The following PDLIM2 variants were observed in gnomAD, a reference collection of about 807,000 sequenced individuals.
The protein encoded by PDLIM2 is PDZ and LIM domain 2.
PDLIM2 carries 51 observed loss-of-function variants against 54.1 expected under a neutral mutation model. The ratio of observed to expected loss-of-function variants is 0.94; its 90% CI spans 0.75 to 1.19. The LOEUF (loss-of-function observed/expected upper bound fraction) is 1.19. PDLIM2 is among the 50% of genes most tolerant of loss of function. The probability of loss-of-function intolerance (pLI) is 0.00; values close to 1 mark genes in which losing one functional copy is unlikely to be tolerated. For synonymous variants in PDLIM2, 398 were observed against 385.6 expected, an observed-to-expected ratio of 1.03 and a Z score of -0.38; for missense variants, 912 against 874.0, an observed-to-expected ratio of 1.04 and a Z score of -0.55.
chr8:22,579,546 G>C, intron 1 of PDLIM2: 2 of 1,447,260 alleles, frequency 1.4e-6, no homozygotes, highest in South Asian at 2.7e-5. Context: ...ATCTCGGGGC[G>C]GCCGCGAGCC....
intron 1 of PDLIM2, chr8:22,579,543 G>A: frequency 6.9e-7 from 1 of 1,452,430 alleles, no homozygotes. Context: ...GGAATCTCGG[G>A]GCGGCCGCGA....
intron 6 of PDLIM2, chr8:22,587,673 G>T (rs1240699364): frequency 6.6e-6 from 1 of 152,248 alleles, no homozygotes; most frequent in Admixed American, 6.5e-5. Context: ...ACCCCTAACC[G>T]CCTGGGAGGA....
intron 6 of PDLIM2, chr8:22,589,033 G>A (rs959517524): frequency 5.3e-5 from 30 of 567,110 alleles, no homozygotes; most frequent in African/African-American, 4.1e-4. Context: ...CCCGGTCCCC[G>A]GCAGAACCCG....
At chr8:22,585,445 C>G in intron 6 of PDLIM2, 46 bp downstream of exon 5, 1 of 1,545,464 alleles carries the variant, frequency 6.5e-7, no homozygotes, top group Non-Finnish European at 8.8e-7. Context: ...AGAAGCACCT[C>G]CCGTTCCTGT....
chr8:22,589,636 T>C (rs1800480522), exon 8 of PDLIM2: 1 of 1,595,946 alleles, frequency 6.3e-7, no homozygotes, highest in African/African-American at 1.3e-5. Flanking sequence ...GGACGAGGAC[T>C]CGGAAGTCTT....
In PDLIM2 at chr8:22,584,908, C is replaced by A; in HGVS notation, c.1065+18C>A. 6.2e-7 allele frequency: 1 copy of A among 1,614,112 alleles called. No homozygotes were observed. The highest frequency in any genetic ancestry group is 1.1e-5 in the South Asian group (1 of 91,092). On this transcript the variant is annotated intron_variant, in intron 4 of 9. Transcript: ENST00000308354. ...GCTTCCAGGTAAGCTGGTGCCCTCC[C>A]CTGACAGCCTCAGCACCCTGATCAC...
intron 7 of PDLIM2, 76 bp from the exon 7 acceptor site, chr8:22,589,520 T>C: frequency 7.1e-7 from 1 of 1,403,686 alleles, no homozygotes; most frequent in Non-Finnish European, 9.8e-7. Flanking sequence ...CCCACGCTCT[T>C]CTCCTGCCCC....
At chr8:22,580,988 C>A in intron 2 of PDLIM2, 1 of 659,984 alleles carries the variant, frequency 1.5e-6, no homozygotes, top group South Asian at 1.5e-5. Context: ...ATTACTAGAA[C>A]AAGAGCCCCG....
At chr8:22,583,357 G>A (rs765441849) in intron 3 of PDLIM2, among the ~76,000 whole-genome samples, 27 of 152,268 alleles carry the variant, frequency 1.8e-4, no homozygotes, top group Non-Finnish European at 3.4e-4. Flanking sequence ...GCCTCCAGTG[G>A]GCAGGGTGCA....
At chr8:22,594,936 C>A (rs907553533), downstream of PDLIM2, 1 of 319,870 alleles carries the variant, frequency 3.1e-6, no homozygotes, top group Non-Finnish European at 5.8e-6. Context: ...GAAAAAAACA[C>A]AAAAACAAAT....
chr8:22,584,461 A>C (rs565238138), intron 3 of PDLIM2, among the ~76,000 whole-genome samples: 1 of 151,922 alleles, frequency 6.6e-6, no homozygotes, highest in East Asian at 1.9e-4. Flanking sequence ...GGCATGCACC[A>C]CCATGTGCAG....
exon 9 of PDLIM2, chr8:22,591,639 C>G (rs1406454271): frequency 6.2e-7 from 1 of 1,613,036 alleles, no homozygotes; most frequent in Non-Finnish European, 8.5e-7. Context: ...CCAAGCTCCA[C>G]ACTTGTGAGA....
At chr8:22,594,182 T>C in exon 10 of PDLIM2, 1 of 1,408,588 alleles carries the variant, frequency 7.1e-7, no homozygotes, top group Non-Finnish European at 9.2e-7. Context: ...TGCGAGGGTC[T>C]AAGTAGGGTC....
In PDLIM2 at chr8:22,580,769, C is replaced by T. The variant is rs1586918132; in HGVS notation, c.843+72C>T. On this transcript the variant is annotated intron_variant, in intron 2 of 9. Coordinates refer to ENST00000308354, the Ensembl canonical transcript of PDLIM2. ...GGTCGGCCCTGTTCACCCCACTCTG[C>T]ACAGATGGCTTGCTTTTTCTGTTCT... is the stretch of plus-strand genomic sequence containing the variant. The T allele has an allele frequency of 4.8e-6, 7 of 1,467,548 alleles. No homozygotes were observed. The East Asian group carries it at 1.4e-4, about 29-fold the overall frequency. 90.9% of individuals were successfully genotyped at this position (1,467,548 alleles called of 1,614,324 possible). A position where few individuals can be genotyped will look rare whatever the true frequency, so the allele number is the denominator to read the frequency against.
intron 3 of PDLIM2, among the ~76,000 whole-genome samples, chr8:22,584,486 A>AT (rs1391392011): frequency 6.6e-6 from 1 of 151,726 alleles, no homozygotes; most frequent in Non-Finnish European, 1.5e-5. Context: ...TTAAAAAAAA[A>AT]TTTTAGTAGT....
At chr8:22,580,760 C>T (rs1021326710) in intron 2 of PDLIM2, 63 bp downstream of exon 1, 3 of 1,521,242 alleles carry the variant, frequency 2.0e-6, no homozygotes, top group African/African-American at 1.4e-5. Context: ...CCCTGTTCAC[C>T]CCACTCTGCA....
intron 9 of PDLIM2, chr8:22,592,532 G>A (rs1355343082): frequency 6.6e-6 from 1 of 152,204 alleles, no homozygotes; most frequent in Non-Finnish European, 1.5e-5. Flanking sequence ...ACCTCTCTGG[G>A]CTTTAGTGTT....
intron 6 of PDLIM2, among the ~76,000 whole-genome samples, chr8:22,586,381 C>G (rs1443100119): frequency 1.3e-5 from 2 of 152,114 alleles, no homozygotes; most frequent in Non-Finnish European, 2.9e-5. Flanking sequence ...GGCAAACTTG[C>G]AAAACAATTT....
downstream of PDLIM2, chr8:22,594,471 CTT>C: frequency 6.2e-7 from 1 of 1,612,262 alleles, no homozygotes; most frequent in Admixed American, 1.7e-5. Context: ...GGCCTTGCCT[CTT>C]TTAGGTTGGG....
Sources: gnomAD v4.1 joint callset for allele counts (sites outside exome capture counted in the v4.1 genomes callset) on GRCh38, gnomAD v4.1.1 for gene constraint, MANE v1.5 for transcripts, NCBI Gene and HGNC (gene_info 2026-07-23, HGNC 2026-07-21) for gene names.